Variants in KIRREL3 observed in about 807,000 individuals in gnomAD.
The protein encoded by KIRREL3 is kin of IRRE-like protein 3.
In KIRREL3, 36 loss-of-function variants were observed where a neutral mutation model predicts 89.7. The ratio of observed to expected loss-of-function variants is 0.40; its 90% CI spans 0.31 to 0.53. The LOEUF is 0.53. Among genes scored for constraint, KIRREL3 ranks in the 20% least tolerant of loss-of-function variants. The pLI is 0.49. For synonymous variants in KIRREL3, 445 were observed against 441.4 expected, an observed-to-expected ratio of 1.01 and a Z score of -0.10; for missense variants, 864 against 1,056.6, an observed-to-expected ratio of 0.82 and a Z score of 2.53.
chr11:126,621,809 T>G (rs1403533769), intron 1 of KIRREL3, among the ~76,000 whole-genome samples: 1 of 152,250 alleles, frequency 6.6e-6, no homozygotes, highest in Non-Finnish European at 1.5e-5. Context: ...TATATTACCT[T>G]ATATTTTTAG....
intron 1 of KIRREL3, among the ~76,000 whole-genome samples, chr11:126,735,672 G>A (rs78714146): frequency 0.014 from 2,145 of 152,340 alleles, 48 homozygotes; most frequent in African/African-American, 0.045. Context: ...CTCTGGTTTA[G>A]GGACAGATAT....
chr11:126,587,127 C>T lies in KIRREL3; in HGVS notation c.56-24215G>A, dbSNP rs766021941. On this transcript the variant is annotated intron_variant, in intron 1 of 16. Coordinates refer to ENST00000525144, the MANE Select transcript of KIRREL3 (RefSeq NM_032531.4). This position sits in a 1 kb window ranked among gnomAD's most constrained non-coding sequence, Gnocchi z 5.2. ...GCTCCAGTGGAAGAGTCCAGAGCAC[C>T]GGGATGATGTGTAGGGAGAGCCACT... Among the ~76,000 whole-genome samples, 4 of 151,998 alleles carry T rather than the reference C, an allele frequency of 2.6e-5. No individual in the cohort carries two copies. Among genetic ancestry groups the T allele is most frequent in the South Asian group, 2.1e-4 (1 of 4,808 alleles).
rs11220691 is a variant in KIRREL3, at chr11:126,992,951, A to G, written c.55+7504T>C. Among the ~76,000 whole-genome samples, 672 of 152,196 alleles carry G rather than the reference A, an allele frequency of 4.4e-3. 20 individuals are homozygous for G. In the East Asian group the frequency reaches 0.081, roughly 18 times the overall value. On this transcript the variant is annotated intron_variant, in intron 1 of 16. Coordinates refer to ENST00000525144, the MANE Select transcript of KIRREL3 (RefSeq NM_032531.4). ...TAGCTAACACATCATTCTGGCATTC[A>G]TCTACCCACCATCCTTCTGTGCCTC...
chr11:126,847,340 T>G (rs1565347940), intron 1 of KIRREL3, among the ~76,000 whole-genome samples: 1 of 152,216 alleles, frequency 6.6e-6, no homozygotes, highest in South Asian at 2.1e-4. Context: ...AATCATTGTA[T>G]GCCACAGAGG....
chr11:126,759,567 T>G (rs948440241), intron 1 of KIRREL3, among the ~76,000 whole-genome samples: 8 of 152,222 alleles, frequency 5.3e-5, no homozygotes, highest in South Asian at 4.1e-4. Flanking sequence ...TCTGTGGAGA[T>G]CATTAGACAA....
At chr11:126,840,006 G>A (rs368154646) in intron 1 of KIRREL3, among the ~76,000 whole-genome samples, 1 of 152,092 alleles carries the variant, frequency 6.6e-6, no homozygotes, top group Non-Finnish European at 1.5e-5. Flanking sequence ...AAACATAATC[G>A]ACTTCTCACT....
intron 1 of KIRREL3, among the ~76,000 whole-genome samples, chr11:126,673,217 A>G (rs951105007): frequency 1.3e-5 from 2 of 152,246 alleles, no homozygotes; most frequent in African/African-American, 4.8e-5. Context: ...AAGTTCAAAG[A>G]AATGAGGCCA....
At chr11:126,509,386 A>T (rs1239121330) in intron 4 of KIRREL3, among the ~76,000 whole-genome samples, 1 of 152,218 alleles carries the variant, frequency 6.6e-6, no homozygotes, top group African/African-American at 2.4e-5. Context: ...GAGTTCCTCC[A>T]GGAAGGTAGC....
rs1040618666 is a variant in KIRREL3 at position 126,486,933 on chromosome 11, T to G, written c.434-13467A>C. 1.3e-5 allele frequency among the ~76,000 whole-genome samples: 2 copies of G among 152,128 alleles called. No individual in the cohort carries two copies. Among genetic ancestry groups the G allele is most frequent in the Non-Finnish European group, 2.9e-5 (2 of 68,026 alleles). On this transcript the variant is annotated intron_variant, in intron 4 of 16. Transcript: ENST00000525144. This position sits in a 1 kb window ranked among gnomAD's most constrained non-coding sequence, Gnocchi z 6.2. ...TAAATAGAAGCAGAACTGATATAGTTGGTTTTGCTATGGGCTCCCCATCCG... is the reference window on the plus strand; with the variant it reads ...TAAATAGAAGCAGAACTGATATAGTGGGTTTTGCTATGGGCTCCCCATCCG...
At position 126,755,706 on chromosome 11, in the gene KIRREL3, C is replaced by T. The variant is rs1949470705; in HGVS notation, c.56-192794G>A. Reference sequence around the variant, plus strand: ...CTGGCAGCAATCTAATTCCAGCTCTCCTTGTCAGAATGTGTCTTCCTGCCA... The same window carrying T: ...CTGGCAGCAATCTAATTCCAGCTCTTCTTGTCAGAATGTGTCTTCCTGCCA... On this transcript the variant is annotated intron_variant, in intron 1 of 16. Coordinates refer to ENST00000525144, the MANE Select transcript of KIRREL3 (RefSeq NM_032531.4). This position sits in a 1 kb window ranked among gnomAD's most constrained non-coding sequence, Gnocchi z 4.3. 1.3e-5 allele frequency among the ~76,000 whole-genome samples: 2 copies of T among 152,162 alleles called. No homozygotes were observed. Among genetic ancestry groups the T allele is most frequent in the South Asian group, 4.1e-4 (2 of 4,824 alleles).
chr11:126,952,651 C>T (rs1162554477), intron 1 of KIRREL3, among the ~76,000 whole-genome samples: 1 of 152,184 alleles, frequency 6.6e-6, no homozygotes, highest in African/African-American at 2.4e-5. Flanking sequence ...TTGCCCATGC[C>T]TATGTCCTGA....
At chr11:126,746,834 C>A (rs142072136) in intron 1 of KIRREL3, among the ~76,000 whole-genome samples, 2 of 152,128 alleles carry the variant, frequency 1.3e-5, no homozygotes, top group East Asian at 3.9e-4. Context: ...CAAGAACCTG[C>A]GGAGCTCCTC....
chr11:126,954,577 ACCCAC>A lies in KIRREL3; in HGVS notation c.55+45873_55+45877del, dbSNP rs1948868539. 6.6e-6 allele frequency among the ~76,000 whole-genome samples: 1 copy of A among 151,892 alleles called. No homozygotes were observed. The highest frequency in any genetic ancestry group is 1.9e-4 in the East Asian group (1 of 5,168). On this transcript the variant is annotated intron_variant, in intron 1 of 16. Coordinates refer to ENST00000525144, the MANE Select transcript of KIRREL3 (RefSeq NM_032531.4). The surrounding 1 kb of genome is among the most constrained non-coding windows in gnomAD (Gnocchi z 4.1). ...AGAACAGATGGCCCAGAAAGCGCAA[ACCCAC>A]CTTGTCTGTGATGAAGGTGAGAGCA...
intron 4 of KIRREL3, among the ~76,000 whole-genome samples, chr11:126,478,641 G>GTA (rs1464211609): frequency 1.4e-5 from 2 of 147,904 alleles, no homozygotes; most frequent in Non-Finnish European, 2.9e-5. Context: ...GCGTGTGTAT[G>GTA]TGTGTATGTA....
chr11:126,943,092 A>G lies in KIRREL3; in HGVS notation c.55+57363T>C, dbSNP rs867387362. 6.6e-6 allele frequency among the ~76,000 whole-genome samples: 1 copy of G among 152,228 alleles called. No homozygotes were observed. The highest frequency in any genetic ancestry group is 1.9e-4 in the East Asian group (1 of 5,196). ...GTCTCTTGGGACAAGCCTCTGCTTCAGTGCTCTTGATTGCACAGATTTCTG... is the reference window on the plus strand; with the variant it reads ...GTCTCTTGGGACAAGCCTCTGCTTCGGTGCTCTTGATTGCACAGATTTCTG... On this transcript the variant is annotated intron_variant, in intron 1 of 16. Coordinates refer to ENST00000525144, the MANE Select transcript of KIRREL3 (RefSeq NM_032531.4). This position sits in a 1 kb window ranked among gnomAD's most constrained non-coding sequence, Gnocchi z 4.2.
intron 1 of KIRREL3, among the ~76,000 whole-genome samples, chr11:126,853,538 A>T (rs1855651396): frequency 1.3e-5 from 2 of 152,184 alleles, no homozygotes; most frequent in South Asian, 2.1e-4. Flanking sequence ...TCATTTTGTC[A>T]ATTTTACTTA....
rs959342328 is a variant in KIRREL3 at position 126,780,526 on chromosome 11, T to A, written c.56-217614A>T. ...GCTTGGCTTCTTTGAAAAATGAATT[T>A]GGGGGCTGAGATTTCTCATCAGTAT... On this transcript the variant is annotated intron_variant, in intron 1 of 16. Coordinates refer to ENST00000525144, the MANE Select transcript of KIRREL3 (RefSeq NM_032531.4). The surrounding 1 kb of genome is among the most constrained non-coding windows in gnomAD (Gnocchi z 5.3). 6.6e-6 allele frequency among the ~76,000 whole-genome samples: 1 copy of A among 152,172 alleles called. No homozygotes were observed. The highest frequency in any genetic ancestry group is 1.9e-4 in the East Asian group (1 of 5,182).
intron 1 of KIRREL3, among the ~76,000 whole-genome samples, chr11:126,735,383 A>G (rs1434295427): frequency 1.3e-5 from 2 of 152,192 alleles, no homozygotes; most frequent in African/African-American, 4.8e-5. Context: ...TTGCATGACC[A>G]ACTGGGGAGA....
At chr11:126,863,609 G>C in intron 1 of KIRREL3, among the ~76,000 whole-genome samples, 1 of 48,728 alleles carries the variant, frequency 2.1e-5, no homozygotes, top group Non-Finnish European at 3.7e-5. Flanking sequence ...GTGTGTGTTT[G>C]CGTGCGTGTG....
Sources: allele counts gnomAD v4.1 joint callset (sites outside exome capture counted in the v4.1 genomes callset), GRCh38; gene constraint gnomAD v4.1.1; non-coding constraint Gnocchi (gnomAD v3.1); transcripts MANE v1.5; gene names NCBI Gene and HGNC (gene_info 2026-07-23, HGNC 2026-07-21).